The following GRIA3 variants were observed in gnomAD, a reference collection of about 807,000 sequenced individuals.
GRIA3 encodes the protein glutamate receptor 3.
In GRIA3, 3 loss-of-function variants were observed where a neutral mutation model predicts 63.0. The ratio of observed to expected loss-of-function variants is 0.05; its 90% CI spans 0.02 to 0.12. GRIA3 has a LOEUF of 0.12. GRIA3 is among the 10% of genes least tolerant of loss of function. GRIA3 has a pLI of 1.00. For synonymous variants in GRIA3, 274 were observed against 257.9 expected (o/e 1.06, Z -0.60); for missense variants, 347 against 700.9 (o/e 0.50, Z 5.70).
intron 12 of GRIA3, among the ~76,000 whole-genome samples, chrX:123,447,744 C>A (rs2045710360): frequency 8.9e-6 from 1 of 112,045 alleles, no homozygotes; most frequent in Admixed American, 9.5e-5. Flanking sequence ...ATGACAGCAA[C>A]CAAGCCAAAT....
chrX:123,205,570 T>C (rs771405319), intron 2 of GRIA3, among the ~76,000 whole-genome samples: 15 of 111,877 alleles, frequency 1.3e-4, no homozygotes, highest in Non-Finnish European at 2.3e-4. Flanking sequence ...TACTAAAATG[T>C]GACAGCTGAC....
At chrX:123,270,729 T>G (rs1335698592) in intron 3 of GRIA3, among the ~76,000 whole-genome samples, 2 of 112,560 alleles carry the variant, frequency 1.8e-5, no homozygotes, top group Non-Finnish European at 3.7e-5. Context: ...TTCATTGGGC[T>G]GTTATGAAAA....
At chrX:123,392,201 T>C (rs2045390630) in intron 5 of GRIA3, among the ~76,000 whole-genome samples, 1 of 112,168 alleles carries the variant, frequency 8.9e-6, no homozygotes, top group Admixed American at 9.4e-5. Context: ...CAGGGGAGCC[T>C]TTCCTCAGGG....
chrX:123,448,757 T>C (rs1407423983), intron 12 of GRIA3, among the ~76,000 whole-genome samples: 2 of 112,351 alleles, frequency 1.8e-5, no homozygotes, highest in Admixed American at 1.9e-4. Flanking sequence ...GAGATGTTGC[T>C]TCCAACTATT....
At chrX:123,358,459 C>T (rs2045147537) in intron 5 of GRIA3, 1 of 111,855 alleles carries the variant, frequency 8.9e-6, no homozygotes, top group South Asian at 3.8e-4. Context: ...AATGCTTTAA[C>T]GAAGACCTCT....
chrX:123,229,934 G>A (rs761258060), intron 2 of GRIA3, among the ~76,000 whole-genome samples: 2 of 112,120 alleles, frequency 1.8e-5, no homozygotes, highest in Admixed American at 9.4e-5. Context: ...CAAAATATGT[G>A]TGCCAGAAGG....
chrX:123,230,165 T>C (rs918012130), intron 2 of GRIA3, among the ~76,000 whole-genome samples: 13 of 112,109 alleles, frequency 1.2e-4, no homozygotes, highest in Admixed American at 9.4e-5. Flanking sequence ...TAGTACCTCA[T>C]TGGACTTTTG....
rs1457360336 is a variant in GRIA3 at position 123,413,114 on chromosome X, G to T, written c.1501-4288G>T. 2.7e-5 allele frequency among the ~76,000 whole-genome samples: 3 copies of T among 111,093 alleles called. No homozygotes were observed. In the East Asian group the frequency reaches 8.5e-4, roughly 32 times the overall value. ...CAAAAAGTCCTGCTTTATCCATCTG[G>T]CCACGTCTTGTTAGTATTTAGTGGT... On this transcript the variant is annotated intron_variant, in intron 10 of 15. Coordinates refer to ENST00000620443, the MANE Select transcript of GRIA3 (RefSeq NM_007325.5).
At chrX:123,425,839 A>G (rs2045586759) in intron 11 of GRIA3, among the ~76,000 whole-genome samples, 1 of 112,233 alleles carries the variant, frequency 8.9e-6, no homozygotes, top group Non-Finnish European at 1.9e-5. Context: ...AGATTTAAAA[A>G]AAATCAAGTC....
At position 123,270,862 on chromosome X, in the gene GRIA3, TTTAG is replaced by T. The variant is rs767699136; in HGVS notation, c.508+17326_508+17329del. Among the ~76,000 whole-genome samples the T allele has an allele frequency of 7.0e-4, 79 of 112,737 alleles. No individual in the cohort carries two copies. The Middle Eastern group carries it at 0.018, about 26-fold the overall frequency. On this transcript the variant is annotated intron_variant, in intron 3 of 15. Coordinates refer to ENST00000620443, the MANE Select transcript of GRIA3 (RefSeq NM_007325.5). Reference sequence around the variant, plus strand: ...ATAAAAGCATCAACATGAAATCACATTTAGTTAGTAATTTCACATTTAGTTACTA... The same window carrying T: ...ATAAAAGCATCAACATGAAATCACATTTAGTAATTTCACATTTAGTTACTA...
chrX:123,275,509 G>T (rs919360918), intron 3 of GRIA3, among the ~76,000 whole-genome samples: 2 of 112,224 alleles, frequency 1.8e-5, no homozygotes, highest in African/African-American at 6.5e-5. Flanking sequence ...TATTTCACTG[G>T]TGCAAGAGAC....
At chrX:123,369,919 C>G (rs1055611374) in intron 5 of GRIA3, among the ~76,000 whole-genome samples, 5 of 111,199 alleles carry the variant, frequency 4.5e-5, no homozygotes, top group Non-Finnish European at 7.5e-5. Flanking sequence ...GAATAAGGAC[C>G]AGGAACCAGC....
At chrX:123,204,115 C>T (rs1927818841) in intron 2 of GRIA3, among the ~76,000 whole-genome samples, 1 of 111,933 alleles carries the variant, frequency 8.9e-6, no homozygotes. Context: ...TCTCAGGGCC[C>T]CCATGTTTTG....
At position 123,490,644 on chromosome X, in the gene GRIA3, A is replaced by T. The variant is rs939951390; in HGVS notation, c.*1934A>T. 3 of 112,581 alleles carry T rather than the reference A, an allele frequency of 2.7e-5. No individual in the cohort carries two copies. The highest frequency in any genetic ancestry group is 5.6e-5 in the Non-Finnish European group (3 of 53,284). The allele number at this position is 112,581 out of a possible 1,213,427, so 9.3% of individuals were successfully genotyped here. A position where few individuals can be genotyped will look rare whatever the true frequency, so the allele number is the denominator to read the frequency against. Reference sequence around the variant, plus strand: ...AATTGGTTTGTTATTTTTTAAAAAAAACTTGCATGTTTAAAAAAAAGTTGA... The same window carrying T: ...AATTGGTTTGTTATTTTTTAAAAAATACTTGCATGTTTAAAAAAAAGTTGA... On this transcript the variant is annotated 3_prime_UTR_variant, in exon 16 of 16. Coordinates refer to ENST00000620443, the MANE Select transcript of GRIA3 (RefSeq NM_007325.5).
chrX:123,338,363 C>G lies in GRIA3; in HGVS notation c.696+12150C>G, dbSNP rs1266278461. ...GCTTCCCCAACGACTCTGTCAACTG[C>G]AGCCTCCACCACAACACTGCTTGCT... On this transcript the variant is annotated intron_variant, in intron 4 of 15. Coordinates refer to ENST00000620443, the MANE Select transcript of GRIA3 (RefSeq NM_007325.5). Among the ~76,000 whole-genome samples, 4 of 111,661 alleles carry G rather than the reference C, an allele frequency of 3.6e-5. No homozygotes were observed. In the East Asian group the frequency reaches 1.1e-3, roughly 31 times the overall value.
chrX:123,375,029 T>A (rs1225549142), intron 5 of GRIA3, among the ~76,000 whole-genome samples: 7 of 111,690 alleles, frequency 6.3e-5, no homozygotes, highest in Non-Finnish European at 9.4e-5. Context: ...GAGGAAATGC[T>A]TTCCATTTTT....
intron 5 of GRIA3, among the ~76,000 whole-genome samples, chrX:123,385,113 A>AGGG (rs2045347114): frequency 8.9e-6 from 1 of 111,764 alleles, no homozygotes. Flanking sequence ...GTTGTCTTCC[A>AGGG]GGGTTTTTAT....
chrX:123,410,663 T>C lies in GRIA3; in HGVS notation c.1500+5749T>C, dbSNP rs375699100. On this transcript the variant is annotated intron_variant, in intron 10 of 15. Coordinates refer to ENST00000620443, the MANE Select transcript of GRIA3 (RefSeq NM_007325.5). ...CAAGGGTCCAGTAACAGATGCCAGA[T>C]ATTCTTCAGGTGATTATACTGGGCT... is the stretch of plus-strand genomic sequence containing the variant. 4.5e-5 allele frequency among the ~76,000 whole-genome samples: 5 copies of C among 111,949 alleles called. No homozygotes were observed. The East Asian group carries it at 8.4e-4, about 19-fold the overall frequency.
At chrX:123,404,284 G>A (rs972546662) in intron 9 of GRIA3, among the ~76,000 whole-genome samples, 4 of 110,280 alleles carry the variant, frequency 3.6e-5, no homozygotes, top group South Asian at 3.9e-4. Context: ...TAAATGCCAC[G>A]GACGCTGACC....
Sources: gnomAD v4.1 joint callset for allele counts (sites outside exome capture counted in the v4.1 genomes callset) on GRCh38, gnomAD v4.1.1 for gene constraint, MANE v1.5 for transcripts, NCBI Gene and HGNC (gene_info 2026-07-23, HGNC 2026-07-21) for gene names.